Variants in RAMP3 observed in about 807,000 individuals in gnomAD.
RAMP3 encodes receptor activity-modifying protein 3.
Under a neutral mutation model 13.5 loss-of-function variants are expected in RAMP3, and 14 were observed. That is an observed-to-expected ratio of 1.04 (90% CI 0.69 to 1.63). The LOEUF is 1.63. Ranked by LOEUF, RAMP3 falls within the 40% of genes most tolerant of loss-of-function variation. The probability of loss-of-function intolerance (pLI) is 0.00; values close to 1 mark genes in which losing one functional copy is unlikely to be tolerated. For synonymous variants in RAMP3, 106 were observed against 88.3 expected, an observed-to-expected ratio of 1.20 and a Z score of -1.12; for missense variants, 200 against 204.8, an observed-to-expected ratio of 0.98 and a Z score of 0.14.
intron 1 of RAMP3, among the ~76,000 whole-genome samples, chr7:45,161,152 G>A (rs1173200920): frequency 6.6e-6 from 1 of 152,224 alleles, no homozygotes; most frequent in East Asian, 1.9e-4. Flanking sequence ...TCCTTGCGAT[G>A]GGGCATGTGA....
At chr7:45,167,879 C>T (rs1481225889) in intron 1 of RAMP3, among the ~76,000 whole-genome samples, 1 of 152,094 alleles carries the variant, frequency 6.6e-6, no homozygotes, top group Non-Finnish European at 1.5e-5. Flanking sequence ...AGCCACCTCG[C>T]CTGGCCAACT....
rs117294452 is a variant in RAMP3 at position 45,159,720 on chromosome 7, G to A, written c.58+1834G>A. Among the ~76,000 whole-genome samples the A allele has an allele frequency of 3.8e-3, 577 of 152,288 alleles. 5 individuals carry two copies. The highest frequency in any genetic ancestry group is 6.0e-3 in the Non-Finnish European group (409 of 68,028). On this transcript the variant is annotated intron_variant, in intron 1 of 2. Transcript: ENST00000242249. ...AAAGGGCTGCTGAGACCGTCAGTTT[G>A]ATTCCATTCAGTTTAGTCCCTATCA...
intron 1 of RAMP3, among the ~76,000 whole-genome samples, chr7:45,169,048 C>T (rs918548420): frequency 6.6e-6 from 1 of 152,142 alleles, no homozygotes; most frequent in Non-Finnish European, 1.5e-5. Context: ...TGGTTCCCCC[C>T]TTCGTTTATT....
At chr7:45,172,627 C>A (rs1431095056) in intron 1 of RAMP3, among the ~76,000 whole-genome samples, 1 of 152,210 alleles carries the variant, frequency 6.6e-6, no homozygotes, top group African/African-American at 2.4e-5. Flanking sequence ...AGGTGCACGC[C>A]TCCTTGTCTG....
Position 45,183,143 on chromosome 7 carries a change from C to T in RAMP3, c.192-14C>T, listed in dbSNP as rs773661988. The T allele has an allele frequency of 6.2e-7, 1 of 1,607,410 alleles. No homozygotes were observed. Among genetic ancestry groups the T allele is most frequent in the Admixed American group, 1.7e-5 (1 of 60,022 alleles). On this transcript the variant is annotated splice_polypyrimidine_tract_variant and intron_variant, in intron 2 of 2. Coordinates refer to ENST00000242249, the MANE Select transcript of RAMP3 (RefSeq NM_005856.3). ...ATGGCGAGAGCCTGGCTTTCACCCC[C>T]TCTGCTTTTGCAGGTACTATGAGAG...
chr7:45,177,776 C>T (rs1027176005), intron 2 of RAMP3, among the ~76,000 whole-genome samples: 2 of 152,202 alleles, frequency 1.3e-5, no homozygotes, highest in Admixed American at 6.5e-5. Flanking sequence ...CCCCCCATTC[C>T]GCATCCTCAC....
At chr7:45,158,869 G>A (rs1297170862) in intron 1 of RAMP3, among the ~76,000 whole-genome samples, 1 of 152,220 alleles carries the variant, frequency 6.6e-6, no homozygotes, top group Non-Finnish European at 1.5e-5. Flanking sequence ...GGTGTTCCAG[G>A]GCTGGAGCCT....
intron 1 of RAMP3, among the ~76,000 whole-genome samples, chr7:45,169,876 C>T (rs73323174): frequency 0.027 from 4,075 of 152,296 alleles, 201 homozygotes; most frequent in African/African-American, 0.093. Context: ...CTGAGGTGTA[C>T]TAGGGGTTAG....
Sources: allele counts gnomAD v4.1 joint callset (sites outside exome capture counted in the v4.1 genomes callset), GRCh38; gene constraint gnomAD v4.1.1; transcripts MANE v1.5; gene names NCBI Gene and HGNC (gene_info 2026-07-23, HGNC 2026-07-21).